The following MUC5AC variants were observed in gnomAD, a reference collection of about 807,000 sequenced individuals.
The protein encoded by MUC5AC is mucin 5AC, oligomeric mucus/gel-forming.
A neutral mutation model predicts 169.7 loss-of-function variants in MUC5AC; 158 were observed. The observed-to-expected ratio is 0.93, with a 90% CI of 0.82 to 1.06. MUC5AC has a LOEUF of 1.06. Among genes scored for constraint, MUC5AC ranks in the 50% least tolerant of loss-of-function variants. The pLI is 0.00. For missense variants in MUC5AC, 4,359 were observed against 3,089.9 expected (o/e 1.41, Z -9.74); for synonymous variants, 1,975 against 1,237.0 (o/e 1.60, Z -12.52).
In MUC5AC at chr11:1,167,888, C is replaced by T; in HGVS notation, c.1398C>T (p.Ser466=). The T allele has an allele frequency of 6.5e-7, 1 of 1,550,340 alleles. No homozygotes were observed. The highest frequency in any genetic ancestry group is 8.7e-7 in the Non-Finnish European group (1 of 1,146,964). The change falls in exon 12 of 49, where the codon AGC becomes AGT. Residue 466 remains serine, a synonymous_variant. Coordinates refer to ENST00000621226, the MANE Select transcript of MUC5AC (RefSeq NM_001304359.2). ...GTCGTGTTCCGCAGCCCTGTGACAG[C>T]AGTGCCTTCACTGTACTGGCTGAGC... is the stretch of plus-strand genomic sequence containing the variant. ...CSYVLTKPCD[S]SAFTVLAELR...
chr11:1,163,139 C>T, intron 6 of MUC5AC, 94 bp downstream of exon 6: 1 of 1,161,828 alleles, frequency 8.6e-7, no homozygotes, highest in Non-Finnish European at 1.3e-6. Context: ...CGGGCACACA[C>T]ATGCACAGAT....
At chr11:1,160,431 C>A (rs1286183075) in intron 1 of MUC5AC, among the ~76,000 whole-genome samples, 181 bp from the exon 2 acceptor site, 1 of 147,578 alleles carries the variant, frequency 6.8e-6, no homozygotes, top group East Asian at 2.0e-4. Flanking sequence ...AGACTTCAGA[C>A]TCACATGGAC....
chr11:1,175,743 G>A (rs1430544401), intron 19 of MUC5AC, among the ~76,000 whole-genome samples: 34 of 68,534 alleles, frequency 5.0e-4, no homozygotes, highest in East Asian at 3.3e-3. Flanking sequence ...CACACACACC[G>A]TCATGCACCC....
At chr11:1,165,880 C>T (rs1185419900) in intron 11 of MUC5AC, 120 bp downstream of exon 11, 16 of 1,415,300 alleles carry the variant, frequency 1.1e-5, no homozygotes, top group Middle Eastern at 4.8e-4. Flanking sequence ...TGGGGGTCCC[C>T]GATGTTGAGA....
At chr11:1,199,045 G>A (rs1697087756) in intron 44 of MUC5AC, 42 bp from the exon 45 acceptor site, 1 of 763,042 alleles carries the variant, frequency 1.3e-6, no homozygotes, top group South Asian at 1.3e-5. Context: ...TTGGGGGGCA[G>A]CGGTCGCCTG....
In MUC5AC at chr11:1,167,987, G is replaced by C; in HGVS notation, c.1497G>C (p.Thr499=). ...SVTLSLDGAQ[T]VVVIKASGEV... ...CACTGAGCCTGGATGGGGCGCAGAC[G>C]GTGAGTGGAGCCTGGCAGGGCAAAC... The change falls in exon 12 of 49, where the codon ACG becomes ACC. Residue 499 remains threonine (T), a splice_region_variant and synonymous_variant. Transcript: ENST00000621226. The C allele has an allele frequency of 6.5e-7, 1 of 1,549,978 alleles. No individual in the cohort carries two copies. Among genetic ancestry groups the C allele is most frequent in the Non-Finnish European group, 8.7e-7 (1 of 1,146,826 alleles).
rs1860954654 is a variant in MUC5AC, at chr11:1,186,664, C to T, written c.8519C>T (p.Pro2840Leu). 2 of 740,914 alleles carry T rather than the reference C, an allele frequency of 2.7e-6. No homozygotes were observed. Among genetic ancestry groups the T allele is most frequent in the Non-Finnish European group, 4.9e-6 (2 of 405,876 alleles). The allele number at this position is 740,914 out of a possible 1,614,324, so 45.9% of individuals were successfully genotyped here. Residue 2840 changes from proline (P) to leucine (L), a missense_variant, in exon 31 of 49, where the codon CCC becomes CTC. Pro to Leu is a moderately conservative substitution (Grantham distance 98). Transcript: ENST00000621226. ...SGPGTTSSPV[P>L]TTSTTSAPTT... is the part of the protein sequence containing the mutation. ...CCTGGAACTACTTCAAGCCCTGTTCCCACCACCAGCACAACCTCTGCCCCT... is the reference window on the plus strand; with the variant it reads ...CCTGGAACTACTTCAAGCCCTGTTCTCACCACCAGCACAACCTCTGCCCCT...
At chr11:1,159,558 C>T (rs189036951) in intron 1 of MUC5AC, among the ~76,000 whole-genome samples, 28,466 of 32,546 alleles carry the variant, frequency 0.87, 12,702 homozygotes, top group Non-Finnish European at 0.92. Context: ...CGGGGCTGTG[C>T]GGGGCTGTGC....
At chr11:1,197,298 C>T (rs56326940) in intron 40 of MUC5AC, among the ~76,000 whole-genome samples, 170 bp from the exon 41 acceptor site, 2,200 of 152,320 alleles carry the variant, frequency 0.014, 20 homozygotes, top group Non-Finnish European at 0.024. Flanking sequence ...AGCTTTGTGC[C>T]CATCCCTGGG....
intron 15 of MUC5AC, among the ~76,000 whole-genome samples, chr11:1,169,971 T>C (rs1189897905): frequency 0.025 from 900 of 36,344 alleles, no homozygotes; most frequent in Non-Finnish European, 0.028. Flanking sequence ...CCCACTCACC[T>C]ACTCACTCAC....
At chr11:1,200,344 C>T in intron 48 of MUC5AC, 94 bp from the exon 49 acceptor site, 1 of 608,142 alleles carries the variant, frequency 1.6e-6, no homozygotes, top group Non-Finnish European at 3.0e-6. Flanking sequence ...GAGCAGGGAA[C>T]ACGATGAGGC....
rs1001535514 is a variant in MUC5AC at position 1,182,450 on chromosome 11, C to T, written c.4305C>T (p.Pro1435=). ...RSVECRAEDA[P]GVPLRALGQR... ...TGGAGTGCCGAGCTGAGGACGCCCC[C>T]GGAGTGCCGCTCCGAGCCCTGGGGC... Residue 1435 remains proline (P), a synonymous_variant, in exon 31 of 49, where the codon CCC becomes CCT. Coordinates refer to ENST00000621226, the MANE Select transcript of MUC5AC (RefSeq NM_001304359.2). 3.8e-5 allele frequency: 15 copies of T among 398,570 alleles called. No homozygotes were observed. Among genetic ancestry groups the T allele is most frequent in the Admixed American group, 4.4e-5 (1 of 22,726 alleles). 24.7% of individuals were successfully genotyped at this position (398,570 alleles called of 1,614,324 possible).
chr11:1,169,182 C>T (rs28972401), intron 15 of MUC5AC, 156 bp downstream of exon 15: 223,473 of 982,572 alleles, frequency 0.23, 29,476 homozygotes, highest in African/African-American at 0.56. Context: ...ATGGTGGGCG[C>T]CCAACCCAGC....
In MUC5AC at chr11:1,191,529, A is replaced by C; in HGVS notation, c.13384A>C (p.Thr4462Pro). 2 of 642,314 alleles carry C rather than the reference A, an allele frequency of 3.1e-6. No homozygotes were observed. The highest frequency in any genetic ancestry group is 2.8e-6 in the Non-Finnish European group (1 of 351,816). 39.8% of individuals were successfully genotyped at this position (642,314 alleles called of 1,614,324 possible). The stretch of plus-strand genomic sequence containing the variant: ...TACAACCAGCACAATCTCTCTCCCT[A>C]CAACCAGCACAACCTCTGCTCCTAT... ...ASTTSTISLP[T>P]TSTTSAPITS... Residue 4462 changes from threonine (T) to proline (P), a missense_variant, in exon 31 of 49, where the codon ACA (threonine) becomes CCA (proline). Physicochemically the swap from Thr to Pro is conservative, Grantham distance 38. Coordinates refer to ENST00000621226, the MANE Select transcript of MUC5AC (RefSeq NM_001304359.2).
chr11:1,185,356 C>A lies in MUC5AC; in HGVS notation c.7211C>A (p.Thr2404Lys). Residue 2404 changes from threonine (T) to lysine (K), a missense_variant, in exon 31 of 49, where the codon ACA (threonine) becomes AAA (lysine). Transcript: ENST00000621226. ...CCCAGCCCTGTTCCTACCACCAGCA[C>A]AACCTCTGCCACTACAACCAGCACA... ...TTPSPVPTTSTTSATTTSTTS... is the reference protein window; with the variant it reads ...TTPSPVPTTSKTSATTTSTTS... 1.4e-6 allele frequency: 1 copy of A among 719,572 alleles called. No homozygotes were observed. The highest frequency in any genetic ancestry group is 2.5e-6 in the Non-Finnish European group (1 of 394,714). 44.6% of individuals were successfully genotyped at this position (719,572 alleles called of 1,614,324 possible). A position where few individuals can be genotyped will look rare whatever the true frequency, so the allele number is the denominator to read the frequency against.
chr11:1,183,585 G>A lies in MUC5AC; in HGVS notation c.5440G>A (p.Glu1814Lys), dbSNP rs1860860211. Residue 1814 changes from glutamate (E) to lysine (K), a missense_variant, in exon 31 of 49, where the codon GAA becomes AAA. Transcript: ENST00000621226. The stretch of plus-strand genomic sequence containing the variant: ...GGGCCAGGTGGTGCAGTGCAGCCGG[G>A]AAGAGGGCCTGGTGTGCCGGAACCA... ...HLGQVVQCSR[E>K]EGLVCRNQDQ... is the part of the protein sequence containing the mutation. 1 of 646,276 alleles carries A rather than the reference G, an allele frequency of 1.5e-6. No individual in the cohort carries two copies. Among genetic ancestry groups the A allele is most frequent in the Admixed American group, 2.3e-5 (1 of 42,992 alleles). The allele number at this position is 646,276 out of a possible 1,614,324, so 40.0% of individuals were successfully genotyped here.
intron 15 of MUC5AC, among the ~76,000 whole-genome samples, chr11:1,171,452 TTCACCCATTCACCCCCTCAC>T (rs1860529299): frequency 2.5e-5 from 2 of 78,960 alleles, no homozygotes; most frequent in African/African-American, 5.1e-5. Context: ...CACTCACCCA[TTCACCCATTCACCCCCTCAC>T]TCACCCACTC....
rs772307864 is a variant in MUC5AC, at chr11:1,194,225, C to T, written c.14871C>T (p.His4957=). 1 of 765,044 alleles carries T rather than the reference C, an allele frequency of 1.3e-6. No homozygotes were observed. Among genetic ancestry groups the T allele is most frequent in the Non-Finnish European group, 2.4e-6 (1 of 417,876 alleles). The allele number at this position is 765,044 out of a possible 1,614,324, so 47.4% of individuals were successfully genotyped here. ...AGCAGATTGTGCCCGTGTATGGCCA[C>T]TTCCGCGTGCTCGTCGACAACTACT... ...LVQQIVPVYG[H]FRVLVDNYFC... Residue 4957 remains histidine, a synonymous_variant, in exon 34 of 49, where the codon CAC becomes CAT. Coordinates refer to ENST00000621226, the MANE Select transcript of MUC5AC (RefSeq NM_001304359.2).
rs1410527020 is a variant in MUC5AC, at chr11:1,190,398, C to A, written c.12253C>A (p.Gln4085Lys). The A allele has an allele frequency of 1.3e-3, 885 of 659,210 alleles. 4 individuals are homozygous for A. The African/African-American group carries it at 0.014, about 11-fold the overall frequency. 40.8% of individuals were successfully genotyped at this position (659,210 alleles called of 1,614,324 possible). A position where few individuals can be genotyped will look rare whatever the true frequency, so the allele number is the denominator to read the frequency against. ...TSPTQSTSSW[Q>K]KSRTTTLVTT... ...CCCAACTCAGAGCACTTCCTCTTGGCAGAAATCCAGGACAACCACTTTGGT... is the reference window on the plus strand; with the variant it reads ...CCCAACTCAGAGCACTTCCTCTTGGAAGAAATCCAGGACAACCACTTTGGT... The change falls in exon 31 of 49, where the codon CAG (glutamine) becomes AAG (lysine). Residue 4085 changes from glutamine (Q) to lysine (K), a missense_variant. Transcript: ENST00000621226.
Sources: allele counts gnomAD v4.1 joint callset (sites outside exome capture counted in the v4.1 genomes callset), GRCh38; gene constraint gnomAD v4.1.1; transcripts MANE v1.5; gene names NCBI Gene and HGNC (gene_info 2026-07-23, HGNC 2026-07-21).